Variants in KCNK10 observed in about 807,000 individuals in gnomAD.
KCNK10 encodes the protein potassium channel subfamily K member 10.
KCNK10 carries 25 observed loss-of-function variants against 47.7 expected under a neutral mutation model. That is an observed-to-expected ratio of 0.52 (90% confidence interval 0.38 to 0.73). The LOEUF is 0.73. Among genes scored for constraint, KCNK10 ranks in the 30% least tolerant of loss-of-function variants. KCNK10 has a pLI of 0.00. For missense variants in KCNK10, 563 were observed against 714.5 expected, an observed-to-expected ratio of 0.79 and a Z score of 2.42; for synonymous variants, 303 against 285.6, an observed-to-expected ratio of 1.06 and a Z score of -0.61.
chr14:88,256,935 C>T (rs927242641), intron 2 of KCNK10, among the ~76,000 whole-genome samples: 7 of 152,088 alleles, frequency 4.6e-5, no homozygotes, highest in Admixed American at 4.6e-4. Context: ...GCAGTGAGGC[C>T]GGGGCAACAT....
intron 4 of KCNK10, among the ~76,000 whole-genome samples, chr14:88,212,492 C>A (rs1595083646): frequency 6.6e-6 from 1 of 152,056 alleles, no homozygotes; most frequent in East Asian, 1.9e-4. Flanking sequence ...GGGAGTCACC[C>A]TTTAAAATGA....
intron 1 of KCNK10, among the ~76,000 whole-genome samples, chr14:88,296,063 C>T (rs1887979040): frequency 1.3e-5 from 2 of 152,200 alleles, no homozygotes; most frequent in African/African-American, 4.8e-5. Context: ...GGAAGTTATT[C>T]CAGGTATTGG....
rs546304486 is a variant in KCNK10 at position 88,220,224 on chromosome 14, C to T, written c.681+7151G>A. 3.4e-4 allele frequency among the ~76,000 whole-genome samples: 51 copies of T among 151,094 alleles called. 1 individual carries two copies. The highest frequency in any genetic ancestry group is 1.1e-3 in the African/African-American group (47 of 41,116). ...CGAGGTCAGAAGATCGAGACCATCC[C>T]GGCTAAAACGGTGAAACCCCGTCTC... On this transcript the variant is annotated intron_variant, in intron 4 of 6. Coordinates refer to ENST00000319231, the MANE Select transcript of KCNK10 (RefSeq NM_138317.3).
intron 5 of KCNK10, among the ~76,000 whole-genome samples, chr14:88,188,591 G>C (rs528514761): frequency 2.0e-5 from 3 of 152,330 alleles, no homozygotes; most frequent in African/African-American, 7.2e-5. Context: ...ATGTGTGAAA[G>C]TAAAATTAGC....
intron 1 of KCNK10, among the ~76,000 whole-genome samples, chr14:88,307,773 A>G (rs1277345564): frequency 6.6e-6 from 1 of 152,192 alleles, no homozygotes; most frequent in Non-Finnish European, 1.5e-5. Context: ...AGAATAAATT[A>G]CATATTATAT....
rs761834940 is a variant in KCNK10 at position 88,263,189 on chromosome 14, A to G, written c.402+13T>C. On this transcript the variant is annotated intron_variant, in intron 2 of 6. Transcript: ENST00000319231. ...CCACCAGCTGGCCTAAGATGGACTCACTCCCTGCTCACCTGGATCAACGTC... is the reference window on the plus strand; with the variant it reads ...CCACCAGCTGGCCTAAGATGGACTCGCTCCCTGCTCACCTGGATCAACGTC... 2 of 1,605,186 alleles carry G rather than the reference A, an allele frequency of 1.2e-6. No homozygotes were observed. Among genetic ancestry groups the G allele is most frequent in the South Asian group, 2.2e-5 (2 of 90,284 alleles).
intron 3 of KCNK10, among the ~76,000 whole-genome samples, chr14:88,240,212 A>T (rs1886413326): frequency 6.6e-6 from 1 of 152,206 alleles, no homozygotes; most frequent in African/African-American, 2.4e-5. Flanking sequence ...AAAACTGAAA[A>T]TTCCAGAAGT....
chr14:88,326,350 G>A (rs900133810), upstream of KCNK10: 1 of 1,383,904 alleles, frequency 7.2e-7, no homozygotes, highest in Non-Finnish European at 1.0e-6. Flanking sequence ...AGCCCTTTGG[G>A]CTACTGCAAT....
In KCNK10 at chr14:88,185,999, G is replaced by A. The variant is rs1002252318; in HGVS notation, c.1168C>T (p.Arg390Trp). The A allele has an allele frequency of 6.2e-7, 1 of 1,613,416 alleles. No homozygotes were observed. ...GACAGCATGTCCAGTGAGTGGGCCC[G>A]CTGGTCCAGGCCCAGCCGCCGGCGC... ...MERRRLGLDQ[R>W]AHSLDMLSPE... The change falls in exon 7 of 7, where the codon CGG becomes TGG. Residue 390 changes from arginine to tryptophan, a missense_variant. By Grantham distance (101) the Arg-to-Trp change is moderately radical. Coordinates refer to ENST00000319231, the MANE Select transcript of KCNK10 (RefSeq NM_138317.3). This position sits in a 1 kb window ranked among gnomAD's most constrained non-coding sequence, Gnocchi z 4.3.
chr14:88,317,398 G>C (rs1888450928), intron 1 of KCNK10, among the ~76,000 whole-genome samples: 1 of 152,194 alleles, frequency 6.6e-6, no homozygotes, highest in African/African-American at 2.4e-5. Context: ...CTTCACCTGA[G>C]CTCATAGAAT....
At chr14:88,313,710 C>T (rs1461039897) in intron 1 of KCNK10, among the ~76,000 whole-genome samples, 11 of 152,198 alleles carry the variant, frequency 7.2e-5, no homozygotes. Flanking sequence ...GACTCCTAGT[C>T]AGACCACCCA....
At chr14:88,224,830 G>A (rs1393916110) in intron 4 of KCNK10, among the ~76,000 whole-genome samples, 1 of 152,158 alleles carries the variant, frequency 6.6e-6, no homozygotes, top group Non-Finnish European at 1.5e-5. Context: ...GGATGGTCTT[G>A]AACTTCTGAC....
chr14:88,253,623 G>T (rs191547758), intron 2 of KCNK10, among the ~76,000 whole-genome samples: 54 of 152,200 alleles, frequency 3.5e-4, no homozygotes, highest in Middle Eastern at 3.4e-3. Flanking sequence ...ATCCTTAGCC[G>T]GCACAGTGGC....
intron 1 of KCNK10, among the ~76,000 whole-genome samples, chr14:88,284,726 A>T (rs530820543): frequency 6.6e-6 from 1 of 152,262 alleles, no homozygotes; most frequent in South Asian, 2.1e-4. Flanking sequence ...ACCCAGATTA[A>T]GGGTGGGTCT....
chr14:88,200,957 C>T (rs928876784), intron 4 of KCNK10, among the ~76,000 whole-genome samples: 1 of 152,210 alleles, frequency 6.6e-6, no homozygotes, highest in African/African-American at 2.4e-5. Context: ...TGTTTGCCTA[C>T]CACAGTCTCC....
chr14:88,221,325 T>C (rs1265769345), intron 4 of KCNK10, among the ~76,000 whole-genome samples: 1 of 150,162 alleles, frequency 6.7e-6, no homozygotes, highest in African/African-American at 2.5e-5. Context: ...ATAATAATAA[T>C]AATACATTAC....
upstream of KCNK10, among the ~76,000 whole-genome samples, chr14:88,325,757 T>C (rs1024718481): frequency 3.3e-5 from 5 of 152,350 alleles, no homozygotes; most frequent in African/African-American, 1.2e-4. Context: ...ATTAGTTCAC[T>C]GTCCAAGGCA....
chr14:88,268,293 C>T (rs933272718), intron 1 of KCNK10, among the ~76,000 whole-genome samples: 1 of 152,108 alleles, frequency 6.6e-6, no homozygotes, highest in South Asian at 2.1e-4. Flanking sequence ...GGGAGCAGCC[C>T]GGGAGCAACG....
chr14:88,322,201 C>T lies in KCNK10; in HGVS notation c.52+546G>A, dbSNP rs1235172928. ...TGCTAGGTTTGGTAATAAGATTGAACGAAGACTCAGGAGGCCCTGTGGGCT... is the reference window on the plus strand; with the variant it reads ...TGCTAGGTTTGGTAATAAGATTGAATGAAGACTCAGGAGGCCCTGTGGGCT... On this transcript the variant is annotated intron_variant, in intron 1 of 6. Coordinates refer to ENST00000319231, the MANE Select transcript of KCNK10 (RefSeq NM_138317.3). The surrounding 1 kb of genome is among the most constrained non-coding windows in gnomAD (Gnocchi z 4.8). Among the ~76,000 whole-genome samples the T allele has an allele frequency of 6.6e-6, 1 of 152,028 alleles. No individual in the cohort carries two copies. The highest frequency in any genetic ancestry group is 1.5e-5 in the Non-Finnish European group (1 of 68,022).
Sources: allele counts gnomAD v4.1 joint callset (sites outside exome capture counted in the v4.1 genomes callset), GRCh38; gene constraint gnomAD v4.1.1; non-coding constraint Gnocchi (gnomAD v3.1); transcripts MANE v1.5; gene names NCBI Gene and HGNC (gene_info 2026-07-23, HGNC 2026-07-21).